The following PPP1R13L variants were observed in gnomAD, a reference collection of about 807,000 sequenced individuals.
The protein encoded by PPP1R13L is protein phosphatase 1 regulatory subunit 13 like.
Under a neutral mutation model 80.9 loss-of-function variants are expected in PPP1R13L, and 50 were observed. The observed-to-expected ratio is 0.62, with a 90% CI of 0.49 to 0.78. The LOEUF (loss-of-function observed/expected upper bound fraction) is 0.78. PPP1R13L is among the 30% of genes least tolerant of loss of function. The pLI is 0.00. For missense variants in PPP1R13L, 1,200 were observed against 1,205.9 expected, an observed-to-expected ratio of 1.00 and a Z score of 0.07; for synonymous variants, 602 against 534.3, an observed-to-expected ratio of 1.13 and a Z score of -1.75.
chr19:45,399,439 ATGG>A (rs1973186999), intron 1 of PPP1R13L, among the ~76,000 whole-genome samples: 1 of 147,652 alleles, frequency 6.8e-6, no homozygotes, highest in Non-Finnish European at 1.5e-5. Flanking sequence ...CCTGGCTAAC[ATGG>A]TGAAACCCCG....
intron 12 of PPP1R13L, among the ~76,000 whole-genome samples, chr19:45,381,006 G>C (rs531549856): frequency 7.3e-4 from 109 of 148,362 alleles, no homozygotes; most frequent in Middle Eastern, 3.6e-3. Context: ...TGTAATGAAA[G>C]CTTCCTCTCC....
intron 8 of PPP1R13L, among the ~76,000 whole-genome samples, chr19:45,391,444 A>G (rs1202397127): frequency 1.1e-4 from 16 of 152,166 alleles, no homozygotes; most frequent in Non-Finnish European, 1.3e-4. Flanking sequence ...TGTGGCCAAG[A>G]CTCCCAGATG....
intron 8 of PPP1R13L, among the ~76,000 whole-genome samples, chr19:45,387,708 C>T (rs1364161140): frequency 1.3e-5 from 2 of 152,226 alleles, no homozygotes; most frequent in Admixed American, 6.5e-5. Flanking sequence ...GCGCCCGCCA[C>T]CACGCCTGGC....
chr19:45,396,523 C>A lies in PPP1R13L; in HGVS notation c.712+22G>T. 6.3e-7 allele frequency: 1 copy of A among 1,590,608 alleles called. No homozygotes were observed. The highest frequency in any genetic ancestry group is 8.5e-7 in the Non-Finnish European group (1 of 1,171,200). ...CTTTGACCCCGCGAGTCAAAGGCCC[C>A]GCGAGGGGCCCCTGGGTTCACCTTG... On this transcript the variant is annotated intron_variant, in intron 4 of 12. Coordinates refer to ENST00000360957, the MANE Select transcript of PPP1R13L (RefSeq NM_006663.4). The surrounding 1 kb of genome is among the most constrained non-coding windows in gnomAD (Gnocchi z 5.3).
At chr19:45,397,176 G>C in intron 3 of PPP1R13L, 118 bp from the exon 4 acceptor site, 1 of 842,910 alleles carries the variant, frequency 1.2e-6, no homozygotes, top group Non-Finnish European at 1.6e-6. Flanking sequence ...AGGCTGACCG[G>C]CCATGGAAAT....
chr19:45,398,088 C>G lies in PPP1R13L; in HGVS notation c.115G>C (p.Val39Leu), dbSNP rs763645841. ...TCCAGCTGCTTGGTCAGTTCATCCA[C>G]CTTGGCCGCCGCCGTGTCCAGCTCC... ...QMELDTAAAK[V>L]DELTKQLESL... The change falls in exon 3 of 13, where the codon GTG becomes CTG. Residue 39 changes from valine (V) to leucine (L), a missense_variant. By Grantham distance (32) the Val-to-Leu change is conservative. Transcript: ENST00000360957. 1.9e-6 allele frequency: 3 copies of G among 1,614,180 alleles called. No individual in the cohort carries two copies. In the South Asian group the frequency reaches 3.3e-5, roughly 18 times the overall value.
In PPP1R13L at chr19:45,392,049, C is replaced by T. The variant is rs369362396; in HGVS notation, c.1646G>A (p.Arg549His). ...TGGCCCCCCATGACGATGGAAGAGG[C>T]GGCTGATGATCTGCTGGTACTGTTT... ...HKKQYQQIIS[R>H]LFHRHGGPGP... Residue 549 changes from arginine (R) to histidine (H), a missense_variant, in exon 8 of 13, where the codon CGC (arginine) becomes CAC (histidine). Transcript: ENST00000360957. The T allele has an allele frequency of 7.3e-5, 112 of 1,541,776 alleles. No homozygotes were observed. The highest frequency in any genetic ancestry group is 9.2e-5 in the Non-Finnish European group (106 of 1,147,088).
intron 6 of PPP1R13L, 100 bp from the exon 7 acceptor site, chr19:45,395,986 T>C: frequency 7.7e-7 from 1 of 1,295,746 alleles, no homozygotes; most frequent in Non-Finnish European, 1.1e-6. Flanking sequence ...AGGGAAGCCC[T>C]GGGAGTGAGG....
intron 7 of PPP1R13L, among the ~76,000 whole-genome samples, chr19:45,394,037 G>A (rs754979141): frequency 6.6e-6 from 1 of 152,116 alleles, no homozygotes; most frequent in Non-Finnish European, 1.5e-5. Context: ...TTTATCTTCA[G>A]TCACACAGCA....
At chr19:45,389,876 A>G (rs987592169) in intron 8 of PPP1R13L, among the ~76,000 whole-genome samples, 1 of 151,678 alleles carries the variant, frequency 6.6e-6, no homozygotes, top group Non-Finnish European at 1.5e-5. Flanking sequence ...GCTCACCACA[A>G]GCTCCGCCTC....
At chr19:45,390,048 C>T (rs1972940663) in intron 8 of PPP1R13L, among the ~76,000 whole-genome samples, 1 of 151,824 alleles carries the variant, frequency 6.6e-6, no homozygotes, top group African/African-American at 2.4e-5. Context: ...GCCTCGGCCT[C>T]CCAAAATGCT....
At position 45,386,094 on chromosome 19, in the gene PPP1R13L, C is replaced by A; in HGVS notation, c.1902G>T (p.Ala634=). Residue 634 remains alanine (A), a synonymous_variant, in exon 9 of 13, where the codon GCG becomes GCT. Coordinates refer to ENST00000360957, the MANE Select transcript of PPP1R13L (RefSeq NM_006663.4). ...CCACCTCCAGCTCCCCGGTCAGCGC[C>A]GCGTCCAGGAGGAGCACCAGAGGGT... ...RLNPLVLLLD[A]ALTGELEVVQ... The A allele has an allele frequency of 6.3e-7, 1 of 1,578,862 alleles. No individual in the cohort carries two copies. The highest frequency in any genetic ancestry group is 8.6e-7 in the Non-Finnish European group (1 of 1,167,344).
intron 11 of PPP1R13L, among the ~76,000 whole-genome samples, chr19:45,385,352 A>C (rs558944192): frequency 1.3e-5 from 2 of 152,338 alleles, no homozygotes; most frequent in African/African-American, 2.4e-5. Context: ...TCCAGCTCGC[A>C]TAGCACAGCC....
In PPP1R13L at chr19:45,390,596, G is replaced by A. The variant is rs35587307; in HGVS notation, c.1815+1284C>T. ...CTTAGCGTTGTAAGCCCTTAAAAGT[G>A]CTAGGAATTTCTTTTTCGGGGAGCT... On this transcript the variant is annotated intron_variant, in intron 8 of 12. Transcript: ENST00000360957. Among the ~76,000 whole-genome samples the A allele has an allele frequency of 1.3e-3, 203 of 152,224 alleles. 1 individual carries two copies. The highest frequency in any genetic ancestry group is 4.6e-3 in the African/African-American group (193 of 41,544).
chr19:45,385,785 C>A, intron 10 of PPP1R13L, 39 bp downstream of exon 10: 1 of 1,608,808 alleles, frequency 6.2e-7, no homozygotes, highest in Non-Finnish European at 8.5e-7. Flanking sequence ...GCGCGTCCGC[C>A]CACGGGGGAC....
At chr19:45,391,809 TG>T (rs1555781643) in intron 8 of PPP1R13L, 70 bp downstream of exon 8, 2 of 1,229,968 alleles carry the variant, frequency 1.6e-6, no homozygotes, top group East Asian at 5.2e-5. Context: ...CCACTATATT[TG>T]GGGGGCTCTT....
Position 45,380,098 on chromosome 19 carries a change from G to T in PPP1R13L, c.*92C>A, listed in dbSNP as rs573198594. 7 of 1,395,780 alleles carry T rather than the reference G, an allele frequency of 5.0e-6. No individual in the cohort carries two copies. In the Admixed American group the frequency reaches 1.0e-4, roughly 20 times the overall value. The allele number at this position is 1,395,780 out of a possible 1,614,324, so 86.5% of individuals were successfully genotyped here. Reference sequence around the variant, plus strand: ...GACCACCACCAGCAGGGTGAGGGGTGCAGATAAAGGCAGCAAAAAACAGAG... The same window carrying T: ...GACCACCACCAGCAGGGTGAGGGGTTCAGATAAAGGCAGCAAAAAACAGAG... On this transcript the variant is annotated 3_prime_UTR_variant, in exon 13 of 13. Transcript: ENST00000360957.
rs760587307 is a variant in PPP1R13L at position 45,396,481 on chromosome 19, G to A, written c.713-45C>T. The A allele has an allele frequency of 3.3e-5, 53 of 1,611,774 alleles. No homozygotes were observed. Among genetic ancestry groups the A allele is most frequent in the Non-Finnish European group, 4.4e-5 (52 of 1,179,396 alleles). ...GAGGATGAGACGGGAGGGGTGGCGA[G>A]CCCCGGATCCTGCCCGCTTTGACCC... On this transcript the variant is annotated intron_variant, in intron 4 of 12. Transcript: ENST00000360957. This position sits in a 1 kb window ranked among gnomAD's most constrained non-coding sequence, Gnocchi z 5.3.
In PPP1R13L at chr19:45,385,868, G is replaced by A; in HGVS notation, c.2037C>T (p.Leu679=). 1 of 1,611,076 alleles carries A rather than the reference G, an allele frequency of 6.2e-7. No individual in the cohort carries two copies. The highest frequency in any genetic ancestry group is 1.1e-5 in the South Asian group (1 of 90,746). ...AGTTGACATTGGCACCCGCGGTGATGAGGAAATCCACGATAGAGTAGTTGG... is the reference window on the plus strand; with the variant it reads ...AGTTGACATTGGCACCCGCGGTGATAAGGAAATCCACGATAGAGTAGTTGG... ...CGANYSIVDF[L]ITAGANVNSP... The change falls in exon 10 of 13, where the codon CTC becomes CTT. Residue 679 remains leucine (L), a synonymous_variant. Coordinates refer to ENST00000360957, the MANE Select transcript of PPP1R13L (RefSeq NM_006663.4).
Sources: gnomAD v4.1 joint callset for allele counts (sites outside exome capture counted in the v4.1 genomes callset) on GRCh38, gnomAD v4.1.1 for gene constraint, Gnocchi (gnomAD v3.1) non-coding constraint, MANE v1.5 for transcripts, NCBI Gene and HGNC (gene_info 2026-07-23, HGNC 2026-07-21) for gene names.